HDAC4: variants seen among roughly 807,000 people sequenced by gnomAD.
The protein encoded by HDAC4 is histone deacetylase 4, also known as histone deacetylase A.
A neutral mutation model predicts 135.1 loss-of-function variants in HDAC4; 16 were observed. That is an observed-to-expected ratio of 0.12 (90% CI 0.08 to 0.18). The LOEUF is 0.18. Ranked by LOEUF, HDAC4 falls within the 10% of genes least tolerant of loss-of-function variation. HDAC4 has a pLI of 1.00. For missense variants in HDAC4, 1,143 were observed against 1,511.8 expected (o/e 0.76, Z 4.05); for synonymous variants, 685 against 653.4 (o/e 1.05, Z -0.74).
rs558286495 is a variant in HDAC4, at chr2:239,068,354, C to T, written c.2869+135G>A. ...CTCCCAAATGGACTGGTTCCCAGTA[C>T]GGTCAGAACCTTGGTCATTAGTAAA... On this transcript the variant is annotated intron_variant, in intron 23 of 26. Coordinates refer to ENST00000543185, the MANE Select transcript of HDAC4 (RefSeq NM_001378414.1). The surrounding 1 kb of genome is among the most constrained non-coding windows in gnomAD (Gnocchi z 4.4). 5.4e-5 allele frequency: 37 copies of T among 681,182 alleles called. No homozygotes were observed. In the Middle Eastern group the frequency reaches 7.4e-4, roughly 14 times the overall value. The allele number at this position is 681,182 out of a possible 1,614,324, so 42.2% of individuals were successfully genotyped here.
chr2:239,203,907 C>A (rs1020870609), intron 3 of HDAC4, among the ~76,000 whole-genome samples: 2 of 152,220 alleles, frequency 1.3e-5, no homozygotes, highest in African/African-American at 4.8e-5. Context: ...AAAATAGGAG[C>A]TGATTTGTTC....
chr2:239,096,161 C>T (rs2037007794), intron 16 of HDAC4, among the ~76,000 whole-genome samples: 1 of 152,146 alleles, frequency 6.6e-6, no homozygotes, highest in Non-Finnish European at 1.5e-5. Flanking sequence ...CTGTCTGCCT[C>T]TTGCCTGGAG....
At chr2:239,374,769 T>C (rs922564217) in intron 1 of HDAC4, among the ~76,000 whole-genome samples, 2 of 152,112 alleles carry the variant, frequency 1.3e-5, no homozygotes, top group African/African-American at 4.8e-5. Flanking sequence ...TTTCAGAATA[T>C]CAAAGATAAT....
chr2:239,066,677 C>A, intron 24 of HDAC4, 45 bp downstream of exon 24: 4 of 1,612,328 alleles, frequency 2.5e-6, no homozygotes, highest in Non-Finnish European at 3.4e-6. Context: ...CAACCCCGAG[C>A]CTGTCAGTGT....
intron 2 of HDAC4, among the ~76,000 whole-genome samples, chr2:239,300,869 A>T (rs12623489): frequency 0.13 from 20,206 of 152,254 alleles, 2,002 homozygotes; most frequent in East Asian, 0.43. Context: ...CTCATTCCGT[A>T]CATCGTGTCC....
At chr2:239,210,125 G>A (rs1042360607) in intron 3 of HDAC4, among the ~76,000 whole-genome samples, 3 of 151,972 alleles carry the variant, frequency 2.0e-5, no homozygotes, top group Admixed American at 6.5e-5. Flanking sequence ...ATTCCTGCAC[G>A]TCTACACAAG....
chr2:239,286,382 CT>C (rs1482717808), intron 2 of HDAC4, among the ~76,000 whole-genome samples: 2 of 152,096 alleles, frequency 1.3e-5, no homozygotes, highest in South Asian at 2.1e-4. Flanking sequence ...AAGAAATCAG[CT>C]GAGCAGAGGG....
intron 2 of HDAC4, among the ~76,000 whole-genome samples, chr2:239,311,428 C>G (rs2052871853): frequency 6.6e-6 from 1 of 152,244 alleles, no homozygotes; most frequent in African/African-American, 2.4e-5. Context: ...GTCAGCTGTT[C>G]TGATCCGCAG....
At chr2:239,282,783 C>G (rs577598914) in intron 2 of HDAC4, among the ~76,000 whole-genome samples, 1 of 151,364 alleles carries the variant, frequency 6.6e-6, no homozygotes, top group East Asian at 2.0e-4. Context: ...AATGTACACA[C>G]CCCTCTACAC....
chr2:239,161,956 T>G (rs1262155560), intron 6 of HDAC4: 4 of 378,704 alleles, frequency 1.1e-5, no homozygotes, highest in Admixed American at 3.2e-5. Context: ...TGCTCCGTCC[T>G]CCCCTCAGGT....
At chr2:239,056,549 C>T (rs2031874434) in intron 24 of HDAC4, among the ~76,000 whole-genome samples, 1 of 152,194 alleles carries the variant, frequency 6.6e-6, no homozygotes, top group Non-Finnish European at 1.5e-5. Context: ...GTAAGAAAGA[C>T]AGATACACAG....
rs748698934 is a variant in HDAC4 at position 239,156,638 on chromosome 2, G to T, written c.733+14C>A. The T allele has an allele frequency of 6.2e-7, 1 of 1,614,076 alleles. No homozygotes were observed. The highest frequency in any genetic ancestry group is 1.1e-5 in the South Asian group (1 of 91,074). ...CAGGAGACCTCCCGGCCCACAGCATGCCTGGGCACTGACCTGTTTTCCTAA... is the reference window on the plus strand; with the variant it reads ...CAGGAGACCTCCCGGCCCACAGCATTCCTGGGCACTGACCTGTTTTCCTAA... On this transcript the variant is annotated intron_variant, in intron 7 of 26. Transcript: ENST00000543185.
Position 239,134,387 on chromosome 2 carries a change from C to T in HDAC4, c.1152G>A (p.Arg384=), listed in dbSNP as rs1324031820. The T allele has an allele frequency of 3.1e-6, 5 of 1,613,826 alleles. No individual in the cohort carries two copies. The highest frequency in any genetic ancestry group is 4.2e-6 in the Non-Finnish European group (5 of 1,179,978). ...GGTGGGTGCCGGGGAAAAGGGAGAG[C>T]CTCTGCTGGAGGGCGGGAAGGGTGA... ...ERLTLPALQQ[R]LSLFPGTHLT... The change falls in exon 11 of 27, where the codon AGG becomes AGA. Residue 384 remains arginine, a synonymous_variant. Coordinates refer to ENST00000543185, the MANE Select transcript of HDAC4 (RefSeq NM_001378414.1).
At chr2:239,190,747 G>T (rs970144411) in intron 3 of HDAC4, among the ~76,000 whole-genome samples, 2 of 152,212 alleles carry the variant, frequency 1.3e-5, no homozygotes, top group African/African-American at 4.8e-5. Flanking sequence ...GCGAAGAAAT[G>T]GATTTTCTGC....
At chr2:239,129,319 G>C (rs1037026392) in intron 11 of HDAC4, among the ~76,000 whole-genome samples, 8 of 152,208 alleles carry the variant, frequency 5.3e-5, no homozygotes, top group Admixed American at 5.2e-4. Context: ...TCATTAACAA[G>C]AGCTTCTGAT....
intron 6 of HDAC4, among the ~76,000 whole-genome samples, chr2:239,162,607 C>T (rs944936172): frequency 2.2e-4 from 33 of 152,342 alleles, no homozygotes; most frequent in African/African-American, 7.5e-4. Flanking sequence ...CCCAGTGGGT[C>T]ACTGCTGTCA....
intron 5 of HDAC4, among the ~76,000 whole-genome samples, chr2:239,169,517 C>A (rs2043321172): frequency 6.6e-6 from 1 of 152,228 alleles, no homozygotes; most frequent in Non-Finnish European, 1.5e-5. Context: ...GGCCGTGGAG[C>A]CCCTAAGATA....
At chr2:239,334,882 G>A (rs1360991380) in intron 2 of HDAC4, among the ~76,000 whole-genome samples, 2 of 151,828 alleles carry the variant, frequency 1.3e-5, no homozygotes, top group African/African-American at 4.8e-5. Flanking sequence ...AAAATTAGCT[G>A]GGCATGGTGG....
chr2:239,305,114 A>G (rs2052503557), intron 2 of HDAC4, among the ~76,000 whole-genome samples: 1 of 152,216 alleles, frequency 6.6e-6, no homozygotes, highest in South Asian at 2.1e-4. Flanking sequence ...GGGCACACAC[A>G]GGAGGCTCAC....
Sources: allele counts gnomAD v4.1 joint callset (sites outside exome capture counted in the v4.1 genomes callset), GRCh38; gene constraint gnomAD v4.1.1; non-coding constraint Gnocchi (gnomAD v3.1); transcripts MANE v1.5; gene names NCBI Gene and HGNC (gene_info 2026-07-23, HGNC 2026-07-21).